Variants in DST observed in about 807,000 individuals in gnomAD.
DST encodes the protein dystonin, also known as bullous pemphigoid antigen.
In DST, 253 loss-of-function variants were observed where a neutral mutation model predicts 875.2. The observed-to-expected ratio is 0.29, with a 90% CI of 0.26 to 0.32. The LOEUF is 0.32. DST is among the 10% of genes least tolerant of loss of function. DST has a pLI of 1.00. For synonymous variants in DST, 3,124 were observed against 3,197.1 expected, an observed-to-expected ratio of 0.98 and a Z score of 0.77; for missense variants, 8,287 against 9,111.6, an observed-to-expected ratio of 0.91 and a Z score of 3.68.
At chr6:56,503,430 A>G (rs78116900) in intron 78 of DST, among the ~76,000 whole-genome samples, 5,334 of 152,166 alleles carry the variant, frequency 0.035, 115 homozygotes, top group Non-Finnish European at 0.043. Flanking sequence ...ACCCACGAAA[A>G]TTAAAAATTA....
intron 36 of DST, chr6:56,614,714 C>A: frequency 8.8e-7 from 1 of 1,142,834 alleles, no homozygotes; most frequent in Non-Finnish European, 1.1e-6. Flanking sequence ...AATGATTGGT[C>A]TAACCTCCCA....
rs759298431 is a variant in DST at position 56,572,215 on chromosome 6, T to C, written c.13606A>G (p.Ser4536Gly). 3.4e-5 allele frequency: 54 copies of C among 1,577,076 alleles called. No individual in the cohort carries two copies. The highest frequency in any genetic ancestry group is 4.5e-5 in the Non-Finnish European group (52 of 1,160,608). The change falls in exon 53 of 104, where the codon AGT becomes GGT. Residue 4536 changes from serine to glycine, a missense_variant. Around this residue, in one of 10 missense-constraint regions of DST, gnomAD observed 1,513 missense variants for 1,677.8 expected, o/e 0.90. Coordinates refer to ENST00000680361, the MANE Select transcript of DST (RefSeq NM_001374736.1). Reference protein sequence around the residue: ...EHKKHLEVLHSLLKEISSHGL... With the variant: ...EHKKHLEVLHGLLKEISSHGL... ...TGGCTGGATATCTCCTTCAAGAGAC[T>C]ATGCAAAACTTCAAGATGTTTCTTG...
rs144019912 is a variant in DST, at chr6:56,938,082, T to TTCTCTCTCTCTCTC, written c.216+15689_216+15702dup. On this transcript the variant is annotated intron_variant, in intron 2 of 103. Coordinates refer to ENST00000680361, the MANE Select transcript of DST (RefSeq NM_001374736.1). ...CTAGAAATTACACCTCTCTCTCTCT[T>TTCTCTCTCTCTCTC]TCTCTCTCTCTCTCTCTCTCTCTCT... Among the ~76,000 whole-genome samples the TTCTCTCTCTCTCTC allele has an allele frequency of 1.7e-4, 22 of 131,690 alleles. 1 individual carries two copies. The highest frequency in any genetic ancestry group is 6.9e-4 in the African/African-American group (21 of 30,422). The allele number at this position is 131,690 out of a possible 152,430, so 86.4% of individuals were successfully genotyped here. A position where few individuals can be genotyped will look rare whatever the true frequency, so the allele number is the denominator to read the frequency against.
In DST at chr6:56,639,352, T is replaced by C. The variant is rs764570772; in HGVS notation, c.2871A>G (p.Arg957=). ...TATTTTCTTCCTTTTGATCAAGTTC[T>C]CTCATTAATTCCTTCAAGAAATAAT... is the stretch of plus-strand genomic sequence containing the variant. ...RKKDYHAELM[R]ELDQKEENIK... The change falls in exon 22 of 104, where the codon AGA becomes AGG. Residue 957 remains arginine (R), a synonymous_variant. Coordinates refer to ENST00000680361, the MANE Select transcript of DST (RefSeq NM_001374736.1). 1 of 1,613,300 alleles carries C rather than the reference T, an allele frequency of 6.2e-7. No homozygotes were observed. The highest frequency in any genetic ancestry group is 8.5e-7 in the Non-Finnish European group (1 of 1,179,552).
chr6:56,844,219 T>A (rs957806903), intron 4 of DST, among the ~76,000 whole-genome samples: 7 of 152,152 alleles, frequency 4.6e-5, no homozygotes, highest in African/African-American at 1.4e-4. Flanking sequence ...AGGAGGCCTC[T>A]GCAGGTGGCC....
chr6:56,703,871 C>CAAA (rs35794687), intron 6 of DST, 125 bp from the exon 7 acceptor site: 19,239 of 122,118 alleles, frequency 0.16, 1,774 homozygotes, highest in Non-Finnish European at 0.24. Flanking sequence ...TAATGTTCAC[C>CAAA]AAAAAAAAAA....
At chr6:56,889,212 G>A (rs1786101216) in intron 3 of DST, among the ~76,000 whole-genome samples, 1 of 152,176 alleles carries the variant, frequency 6.6e-6, no homozygotes, top group African/African-American at 2.4e-5. Flanking sequence ...TAACATCTAT[G>A]TACAAATAAT....
At chr6:56,667,386 G>A in intron 10 of DST, among the ~76,000 whole-genome samples, 1 of 152,118 alleles carries the variant, frequency 6.6e-6, no homozygotes, top group Non-Finnish European at 1.5e-5. Flanking sequence ...TATGCTGGAA[G>A]AAAAGTACTT....
At chr6:56,816,290 T>C (rs568038363) in intron 4 of DST, among the ~76,000 whole-genome samples, 29 of 152,284 alleles carry the variant, frequency 1.9e-4, no homozygotes, top group African/African-American at 6.7e-4. Flanking sequence ...TTTAAGAACC[T>C]TGACAAACTG....
At chr6:56,635,563 A>G (rs767431378) in intron 24 of DST, 26 bp downstream of exon 24, 12 of 1,612,494 alleles carry the variant, frequency 7.4e-6, no homozygotes, top group South Asian at 2.2e-5. Context: ...GCATACTTAT[A>G]AAATGCATAG....
At chr6:56,584,396 T>C (rs1035105675) in intron 49 of DST, among the ~76,000 whole-genome samples, 3 of 152,130 alleles carry the variant, frequency 2.0e-5, no homozygotes, top group East Asian at 3.8e-4. Context: ...TCTCTGTTTG[T>C]CTGTTATGGG....
chr6:56,766,750 C>T (rs2099634480), intron 4 of DST, among the ~76,000 whole-genome samples: 2 of 152,062 alleles, frequency 1.3e-5, no homozygotes, highest in Non-Finnish European at 2.9e-5. Flanking sequence ...AGGCTGGTCT[C>T]GAACTCCTGA....
At position 56,492,965 on chromosome 6, in the gene DST, T is replaced by C; in HGVS notation, c.20519A>G (p.Asp6840Gly). ...TTCGTCAATTTGAAATAAGACTGTGTCCAAGATGAGACTTGGCCGAGAAGC... is the reference window on the plus strand; with the variant it reads ...TTCGTCAATTTGAAATAAGACTGTGCCCAAGATGAGACTTGGCCGAGAAGC... ...NVASRPSLIL[D>G]TVLFQIDEHK... is the part of the protein sequence containing the mutation. Residue 6840 changes from aspartate (D) to glycine (G), a missense_variant, in exon 84 of 104, where the codon GAC becomes GGC. Physicochemically the swap from Asp to Gly is moderately conservative, Grantham distance 94. Transcript: ENST00000680361. The C allele has an allele frequency of 6.2e-7, 1 of 1,611,956 alleles. No homozygotes were observed. The highest frequency in any genetic ancestry group is 8.5e-7 in the Non-Finnish European group (1 of 1,178,966).
chr6:56,750,440 C>T (rs1250957935), intron 4 of DST, among the ~76,000 whole-genome samples: 1 of 152,194 alleles, frequency 6.6e-6, no homozygotes, highest in African/African-American at 2.4e-5. Context: ...GGACACCTTT[C>T]TGAGATCTCC....
chr6:56,785,214 A>C (rs1286750993), intron 4 of DST, among the ~76,000 whole-genome samples: 3 of 152,144 alleles, frequency 2.0e-5, no homozygotes, highest in Non-Finnish European at 2.9e-5. Context: ...TCTCCAGCTG[A>C]GTGCTGGGAG....
At chr6:56,874,701 T>C (rs1778882304) in intron 3 of DST, among the ~76,000 whole-genome samples, 1 of 152,204 alleles carries the variant, frequency 6.6e-6, no homozygotes, top group South Asian at 2.1e-4. Context: ...AAAATATCTA[T>C]CCGTTCTAAT....
chr6:56,832,263 G>T (rs1233572824), intron 4 of DST, among the ~76,000 whole-genome samples: 1 of 152,280 alleles, frequency 6.6e-6, no homozygotes, highest in African/African-American at 2.4e-5. Flanking sequence ...TTGTGGGAGG[G>T]ACCCAGTGGG....
intron 9 of DST, among the ~76,000 whole-genome samples, chr6:56,698,767 G>T (rs1311135531): frequency 6.6e-6 from 1 of 152,170 alleles, no homozygotes; most frequent in Non-Finnish European, 1.5e-5. Context: ...TGTGGGTCAG[G>T]CTCTGTGCTG....
intron 83 of DST, 129 bp from the exon 84 acceptor site, chr6:56,493,218 A>C: frequency 1.4e-6 from 1 of 697,660 alleles, no homozygotes; most frequent in Non-Finnish European, 2.2e-6. Context: ...TTAATATATT[A>C]ACTAAATATC....
Sources: gnomAD v4.1 joint callset for allele counts (sites outside exome capture counted in the v4.1 genomes callset) on GRCh38, gnomAD v4.1.1 for gene constraint, gnomAD v4.1.1 regional missense constraint, MANE v1.5 for transcripts, NCBI Gene and HGNC (gene_info 2026-07-23, HGNC 2026-07-21) for gene names.